Variants in FGF13 observed in about 807,000 individuals in gnomAD.
FGF13 encodes the protein fibroblast growth factor homologous factor 2.
In FGF13, 2 loss-of-function variants were observed where a neutral mutation model predicts 19.5. The observed-to-expected ratio is 0.10, with a 90% confidence interval of 0.04 to 0.32. FGF13 has a LOEUF of 0.32. Among genes scored for constraint, FGF13 ranks in the 10% least tolerant of loss-of-function variants. FGF13 has a pLI of 1.00. For synonymous variants in FGF13, 72 were observed against 76.9 expected, an observed-to-expected ratio of 0.94 and a Z score of 0.33; for missense variants, 113 against 192.7, an observed-to-expected ratio of 0.59 and a Z score of 2.45.
intron 1 of FGF13, among the ~76,000 whole-genome samples, chrX:138,724,605 G>A (rs549098208): frequency 1.8e-5 from 2 of 112,014 alleles, no homozygotes; most frequent in South Asian, 3.7e-4. Context: ...GCTTAACAAC[G>A]CAGGTTAGAA....
chrX:139,199,300 GTTT>G (rs377207947), intron 1 of FGF13, among the ~76,000 whole-genome samples: 1,135 of 110,860 alleles, frequency 0.01, 13 homozygotes, highest in African/African-American at 0.036. Flanking sequence ...AATGCACATG[GTTT>G]TTCCCCCCTC....
chrX:139,088,716 T>C (rs969043633), intron 1 of FGF13, among the ~76,000 whole-genome samples: 20 of 111,340 alleles, frequency 1.8e-4, no homozygotes, highest in African/African-American at 4.9e-4. Flanking sequence ...CATTTTTTTT[T>C]CCACAGTGAC....
At chrX:139,200,067 C>A (rs1278471188) in intron 1 of FGF13, among the ~76,000 whole-genome samples, 3 of 112,124 alleles carry the variant, frequency 2.7e-5, no homozygotes, top group African/African-American at 9.7e-5. Context: ...ATGATCACCT[C>A]CTTCAGCACA....
chrX:138,626,906 T>C lies in FGF13; in HGVS notation c.*5944A>G, dbSNP rs2089068192. The C allele has an allele frequency of 8.9e-6, 1 of 112,203 alleles. No homozygotes were observed. The highest frequency in any genetic ancestry group is 9.5e-5 in the Admixed American group (1 of 10,519). 9.2% of individuals were successfully genotyped at this position (112,203 alleles called of 1,213,427 possible). A position where few individuals can be genotyped will look rare whatever the true frequency, so the allele number is the denominator to read the frequency against. On this transcript the variant is annotated 3_prime_UTR_variant, in exon 5 of 5. Transcript: ENST00000315930. ...TTTTACATTAAGAAGAAAACTATAG[T>C]ATAGCCAGACTTGGAGAACTAATTC... is the stretch of plus-strand genomic sequence containing the variant.
At chrX:139,163,879 A>G (rs2084056710) in intron 1 of FGF13, among the ~76,000 whole-genome samples, 1 of 111,558 alleles carries the variant, frequency 9.0e-6, no homozygotes, top group African/African-American at 3.3e-5. Context: ...AGTATGTTCA[A>G]GCAGCATCAT....
At chrX:138,743,969 TTCC>T (rs1264457174), upstream of FGF13, among the ~76,000 whole-genome samples, 5 of 110,717 alleles carry the variant, frequency 4.5e-5, no homozygotes, top group Non-Finnish European at 7.6e-5. Flanking sequence ...AGATTTTGTG[TTCC>T]TCCTCCTCCT....
At chrX:138,639,941 C>T (rs912593653) in intron 3 of FGF13, among the ~76,000 whole-genome samples, 3 of 109,555 alleles carry the variant, frequency 2.7e-5, no homozygotes, top group African/African-American at 1.0e-4. Context: ...TGCAGTGAGC[C>T]GAGACTGCAC....
intron 3 of FGF13, among the ~76,000 whole-genome samples, chrX:138,692,644 G>A (rs764734938): frequency 9.0e-6 from 1 of 111,188 alleles, no homozygotes; most frequent in Non-Finnish European, 1.9e-5. Flanking sequence ...AACTAGTGCC[G>A]TTATAGCAAC....
chrX:138,828,653 C>T (rs2091051207), intron 3 of FGF13, among the ~76,000 whole-genome samples: 1 of 111,321 alleles, frequency 9.0e-6, no homozygotes, highest in Non-Finnish European at 1.9e-5. Flanking sequence ...CTGTGAAAGC[C>T]ACTTACTAGT....
At chrX:138,932,003 C>A (rs2091703685) in intron 1 of FGF13, among the ~76,000 whole-genome samples, 1 of 110,130 alleles carries the variant, frequency 9.1e-6, no homozygotes, top group South Asian at 4.1e-4. Flanking sequence ...GCAAACTATC[C>A]CCCCACCCCC....
intron 1 of FGF13, among the ~76,000 whole-genome samples, chrX:138,870,823 T>C (rs1204022107): frequency 2.7e-5 from 3 of 112,333 alleles, no homozygotes; most frequent in African/African-American, 9.7e-5. Context: ...ACACATAGTC[T>C]CTAGAAGCCA....
At chrX:139,105,801 G>A (rs1174426355) in intron 1 of FGF13, among the ~76,000 whole-genome samples, 4 of 112,247 alleles carry the variant, frequency 3.6e-5, no homozygotes, top group East Asian at 5.6e-4. Flanking sequence ...TGGCTGGCAT[G>A]TCTAGAAAAA....
At chrX:138,891,808 G>C (rs1284924435) in intron 1 of FGF13, among the ~76,000 whole-genome samples, 1 of 110,226 alleles carries the variant, frequency 9.1e-6, no homozygotes, top group African/African-American at 3.3e-5. Context: ...GAAAAGGAGA[G>C]ACAGGCCTAG....
upstream of FGF13, chrX:138,715,947 G>A (rs2090097600): frequency 8.9e-6 from 1 of 112,155 alleles, no homozygotes; most frequent in South Asian, 3.7e-4. Context: ...GCATCTCCAG[G>A]AGAGAGACAG....
At chrX:138,739,614 C>A (rs923981750), upstream of FGF13, among the ~76,000 whole-genome samples, 1 of 111,750 alleles carries the variant, frequency 8.9e-6, no homozygotes, top group Non-Finnish European at 1.9e-5. Flanking sequence ...TTATGAAAAA[C>A]GGTCTGTAAC....
chrX:139,157,194 G>A (rs747486382), intron 1 of FGF13, among the ~76,000 whole-genome samples: 3 of 110,824 alleles, frequency 2.7e-5, no homozygotes, highest in Admixed American at 9.6e-5. Flanking sequence ...AACTAAACTC[G>A]GAAGCTATAT....
chrX:139,028,616 TGA>T lies in FGF13; in HGVS notation c.-112-163968_-112-163967del, dbSNP rs769711673. ...GTGTGTGTGTGTGTGTGTGTGTGTG[TGA>T]GAGAGAGAGAGAGAGAGTGTGTGTG... On this transcript the variant is annotated intron_variant, in intron 1 of 2. Transcript: ENST00000421460. 5.6e-3 allele frequency among the ~76,000 whole-genome samples: 417 copies of T among 74,241 alleles called. 3 individuals are homozygous for T. Among genetic ancestry groups the T allele is most frequent in the African/African-American group, 0.014 (247 of 18,137 alleles). 64.5% of individuals were successfully genotyped at this position (74,241 alleles called of 115,157 possible). A position where few individuals can be genotyped will look rare whatever the true frequency, so the allele number is the denominator to read the frequency against.
chrX:138,670,381 GCATAAGAATGTTTAC>G (rs1430919439), intron 3 of FGF13, among the ~76,000 whole-genome samples: 4 of 111,844 alleles, frequency 3.6e-5, no homozygotes, highest in Non-Finnish European at 3.8e-5. Context: ...GATGATGCAT[GCATAAGAATGTTTAC>G]CATAACATTA....
At chrX:138,834,271 C>G (rs1329300868) in intron 3 of FGF13, among the ~76,000 whole-genome samples, 1 of 111,818 alleles carries the variant, frequency 8.9e-6, no homozygotes, top group Admixed American at 9.5e-5. Context: ...GTGAATCCCT[C>G]TGGTCCTGGA....
Sources: gnomAD v4.1 joint callset for allele counts (sites outside exome capture counted in the v4.1 genomes callset) on GRCh38, gnomAD v4.1.1 for gene constraint, MANE v1.5 for transcripts, NCBI Gene and HGNC (gene_info 2026-07-23, HGNC 2026-07-21) for gene names.